Variants in C3orf49 observed in about 807,000 individuals in gnomAD.
C3orf49 encodes the protein chromosome 3 open reading frame 49.
Under a neutral mutation model 13.3 loss-of-function variants are expected in C3orf49, and 27 were observed. That is an observed-to-expected ratio of 2.02 (90% CI 1.49 to 2.79). The LOEUF (loss-of-function observed/expected upper bound fraction) is 2.79, where lower values mean the gene tolerates loss of function less well. C3orf49 is among the 30% of genes most tolerant of loss of function. C3orf49 has a pLI of 0.00. For synonymous variants in C3orf49, 87 were observed against 47.6 expected, an observed-to-expected ratio of 1.83 and a Z score of -3.40; for missense variants, 242 against 134.2, an observed-to-expected ratio of 1.80 and a Z score of -3.97.
chr3:63,838,490 C>T (rs763110226), intron 5 of C3orf49: 4 of 1,584,110 alleles, frequency 2.5e-6, no homozygotes, highest in South Asian at 2.4e-5. Flanking sequence ...TACGTTGGTA[C>T]TGGCTATATC....
the C3orf49 span, among the ~76,000 whole-genome samples, chr3:63,785,065 C>CG: frequency 1.5e-5 from 1 of 64,944 alleles, no homozygotes; most frequent in African/African-American, 6.8e-5. Flanking sequence ...TCTTCTTCTT[C>CG]TTTTTTTTTT....
chr3:63,838,183 A>C lies in C3orf49; in HGVS notation c.849+6339A>C, dbSNP rs920926100. 6.8e-6 allele frequency: 7 copies of C among 1,027,518 alleles called. No individual in the cohort carries two copies. In the African/African-American group the frequency reaches 9.9e-5, roughly 14 times the overall value. 63.7% of individuals were successfully genotyped at this position (1,027,518 alleles called of 1,614,324 possible). ...AAAATAGACACTAGTATTTTTAAAA[A>C]ATAGCTGTAACCCAAAGTACTATAT... On this transcript the variant is annotated intron_variant, in intron 5 of 6. Transcript: ENST00000295896.
chr3:63,801,635 C>T, the C3orf49 span, among the ~76,000 whole-genome samples: 1 of 152,118 alleles, frequency 6.6e-6, no homozygotes, highest in Admixed American at 6.6e-5. Context: ...TAAAGTAGTA[C>T]AGTTAAAGCT....
chr3:63,788,228 G>A, the C3orf49 span, among the ~76,000 whole-genome samples: 1 of 152,148 alleles, frequency 6.6e-6, no homozygotes, highest in Admixed American at 6.5e-5. Context: ...CCATCTTACA[G>A]GTGAGGAAAC....
At chr3:63,817,251 C>A (rs558423203), upstream of C3orf49, among the ~76,000 whole-genome samples, 3 of 152,136 alleles carry the variant, frequency 2.0e-5, no homozygotes, top group Non-Finnish European at 4.4e-5. Flanking sequence ...AAAGTCACTC[C>A]TCATCCTCAG....
Position 63,819,390 on chromosome 3 carries a change from C to A in C3orf49, c.-82C>A. 1 of 667,152 alleles carries A rather than the reference C, an allele frequency of 1.5e-6. No homozygotes were observed. The highest frequency in any genetic ancestry group is 2.7e-6 in the Non-Finnish European group (1 of 368,162). The allele number at this position is 667,152 out of a possible 1,614,324, so 41.3% of individuals were successfully genotyped here. On this transcript the variant is annotated 5_prime_UTR_variant, in exon 1 of 7. Coordinates refer to ENST00000295896, the MANE Select transcript of C3orf49 (RefSeq NM_001355236.2). ...CCCACACCTTGACAGTACATTCAGT[C>A]ACTGGATGATTTTGTATTGAAGTCT...
At chr3:63,785,564 A>G in the C3orf49 span, among the ~76,000 whole-genome samples, 4 of 152,186 alleles carry the variant, frequency 2.6e-5, no homozygotes, top group African/African-American at 9.7e-5. Flanking sequence ...AAATCACTAC[A>G]AAAATAAAAA....
At chr3:63,801,736 T>A in the C3orf49 span, among the ~76,000 whole-genome samples, 3 of 152,164 alleles carry the variant, frequency 2.0e-5, no homozygotes, top group Admixed American at 2.0e-4. Flanking sequence ...ATTATAGCCA[T>A]GATGTTTTGA....
chr3:63,785,425 A>T, the C3orf49 span, among the ~76,000 whole-genome samples: 1 of 152,120 alleles, frequency 6.6e-6, no homozygotes, highest in Admixed American at 6.6e-5. Context: ...TCCCATCCTC[A>T]GCTTTCATAA....
chr3:63,811,055 C>G, the C3orf49 span, among the ~76,000 whole-genome samples: 25 of 152,052 alleles, frequency 1.6e-4, no homozygotes, highest in African/African-American at 5.8e-4. Flanking sequence ...GCCATGTTGC[C>G]CAGGCTGGTC....
intron 5 of C3orf49, 73 bp from the exon 6 acceptor site, chr3:63,844,950 G>A: frequency 1.6e-6 from 1 of 608,640 alleles, no homozygotes; most frequent in Non-Finnish European, 3.0e-6. Context: ...AGCGGCAAGT[G>A]TTGCCCAAGT....
the C3orf49 span, among the ~76,000 whole-genome samples, chr3:63,798,598 G>C: frequency 4.6e-5 from 7 of 152,108 alleles, no homozygotes; most frequent in African/African-American, 1.7e-4. Context: ...AACAGTGGCA[G>C]CCTCTTCCTA....
At chr3:63,780,981 C>G in the C3orf49 span, among the ~76,000 whole-genome samples, 1 of 151,570 alleles carries the variant, frequency 6.6e-6, no homozygotes, top group Non-Finnish European at 1.5e-5. Context: ...TGTGCAGAAG[C>G]TCTTTAGTTT....
At chr3:63,783,512 C>T in the C3orf49 span, among the ~76,000 whole-genome samples, 1 of 141,662 alleles carries the variant, frequency 7.1e-6, no homozygotes, top group Non-Finnish European at 1.5e-5. Flanking sequence ...GAAATCCCGT[C>T]TCTACTAAAA....
At chr3:63,822,349 C>T (rs977895475) in intron 1 of C3orf49, among the ~76,000 whole-genome samples, 4 of 151,984 alleles carry the variant, frequency 2.6e-5, no homozygotes, top group East Asian at 1.9e-4. Context: ...TAAAAAACAC[C>T]GAAATTTCAT....
chr3:63,844,448 C>T (rs1285069853), intron 5 of C3orf49, among the ~76,000 whole-genome samples: 1 of 152,152 alleles, frequency 6.6e-6, no homozygotes, highest in Non-Finnish European at 1.5e-5. Context: ...TACTCCAACA[C>T]ATCATACTGT....
chr3:63,801,180 G>A, the C3orf49 span, among the ~76,000 whole-genome samples: 1 of 152,182 alleles, frequency 6.6e-6, no homozygotes, highest in African/African-American at 2.4e-5. Flanking sequence ...TAATATCTCA[G>A]TTTAATCAAT....
rs1701884179 is a variant in C3orf49, at chr3:63,845,937, T to A, written c.*30+855T>A. Among the ~76,000 whole-genome samples the A allele has an allele frequency of 2.6e-5, 4 of 152,274 alleles. 1 individual carries two copies. Among genetic ancestry groups the A allele is most frequent in the Non-Finnish European group, 4.4e-5 (3 of 68,028 alleles). On this transcript the variant is annotated intron_variant, in intron 6 of 6. Transcript: ENST00000295896. ...GAATGTTCCACATGAAAAAGACTAT[T>A]CATCTAAGAAGTGCACTCGAACCCC...
chr3:63,839,833 C>A, intron 5 of C3orf49: 3 of 1,333,430 alleles, frequency 2.2e-6, no homozygotes, highest in Non-Finnish European at 3.2e-6. Context: ...GTACAAATAA[C>A]CAGTATCACT....
Sources: allele counts gnomAD v4.1 joint callset (sites outside exome capture counted in the v4.1 genomes callset), GRCh38; gene constraint gnomAD v4.1.1; transcripts MANE v1.5; gene names NCBI Gene and HGNC (gene_info 2026-07-23, HGNC 2026-07-21).